Variants in CAMK4 observed in about 807,000 individuals in gnomAD.
The protein encoded by CAMK4 is calcium/calmodulin-dependent protein kinase type IV.
A neutral mutation model predicts 44.9 loss-of-function variants in CAMK4; 22 were observed. The ratio of observed to expected loss-of-function variants is 0.49; its 90% CI spans 0.35 to 0.70. CAMK4 has a LOEUF of 0.70. Among genes scored for constraint, CAMK4 ranks in the 30% least tolerant of loss-of-function variants. The probability of loss-of-function intolerance (pLI) is 0.01; values close to 1 mark genes in which losing one functional copy is unlikely to be tolerated. For synonymous variants in CAMK4, 218 were observed against 215.4 expected, an observed-to-expected ratio of 1.01 and a Z score of -0.11; for missense variants, 498 against 586.8, an observed-to-expected ratio of 0.85 and a Z score of 1.56.
intron 5 of CAMK4, among the ~76,000 whole-genome samples, chr5:111,412,498 C>G (rs1010566326): frequency 5.3e-5 from 8 of 152,158 alleles, no homozygotes; most frequent in African/African-American, 1.7e-4. Context: ...CAAAATCAAA[C>G]CAGCCTCAGT....
At chr5:111,332,113 G>A (rs1277436990) in intron 1 of CAMK4, among the ~76,000 whole-genome samples, 2 of 151,396 alleles carry the variant, frequency 1.3e-5, no homozygotes, top group African/African-American at 4.8e-5. Flanking sequence ...AAGTTTTAGG[G>A]TATATGTGCA....
intron 5 of CAMK4, among the ~76,000 whole-genome samples, chr5:111,426,235 T>A (rs1298007693): frequency 3.9e-5 from 6 of 152,188 alleles, no homozygotes; most frequent in Non-Finnish European, 7.4e-5. Context: ...AACATGTTTG[T>A]GGGCAAATGA....
chr5:111,475,218 G>A (rs1580803069), intron 8 of CAMK4, among the ~76,000 whole-genome samples: 1 of 152,052 alleles, frequency 6.6e-6, no homozygotes, highest in African/African-American at 2.4e-5. Context: ...GGAATTTGGA[G>A]AGATAAAGAT....
At chr5:111,408,385 C>G (rs1752512530) in intron 5 of CAMK4, among the ~76,000 whole-genome samples, 1 of 152,188 alleles carries the variant, frequency 6.6e-6, no homozygotes, top group Admixed American at 6.5e-5. Context: ...TACATGGTGA[C>G]AGGCAAGAGG....
intron 1 of CAMK4, among the ~76,000 whole-genome samples, chr5:111,314,767 T>C (rs960659439): frequency 6.6e-6 from 1 of 152,060 alleles, no homozygotes; most frequent in African/African-American, 2.4e-5. Context: ...GTCTTTATAA[T>C]GACAATCAAT....
At chr5:111,309,358 G>A (rs1157418811) in intron 1 of CAMK4, among the ~76,000 whole-genome samples, 1 of 152,176 alleles carries the variant, frequency 6.6e-6, no homozygotes, top group Admixed American at 6.5e-5. Context: ...CATGATCAAA[G>A]ATGTGCATTT....
intron 2 of CAMK4, among the ~76,000 whole-genome samples, chr5:111,372,683 T>A (rs1360721819): frequency 6.6e-6 from 1 of 152,184 alleles, no homozygotes; most frequent in Non-Finnish European, 1.5e-5. Flanking sequence ...TGTTTGTTAC[T>A]TGAAACTGAA....
At chr5:111,375,923 G>A (rs1187001822) in intron 3 of CAMK4, among the ~76,000 whole-genome samples, 1 of 152,052 alleles carries the variant, frequency 6.6e-6, no homozygotes, top group Admixed American at 6.6e-5. Context: ...CTCATAAGAA[G>A]AGTAAAAGCT....
At chr5:111,345,491 A>T (rs1406385450) in intron 2 of CAMK4, among the ~76,000 whole-genome samples, 1 of 151,976 alleles carries the variant, frequency 6.6e-6, no homozygotes, top group African/African-American at 2.4e-5. Flanking sequence ...TATGAAAATA[A>T]AACGGCATAT....
chr5:111,459,405 A>G (rs1445602611), intron 7 of CAMK4, among the ~76,000 whole-genome samples: 1 of 152,116 alleles, frequency 6.6e-6, no homozygotes, highest in Non-Finnish European at 1.5e-5. Context: ...TTGACTCATC[A>G]CTCAGGATCC....
intron 2 of CAMK4, among the ~76,000 whole-genome samples, chr5:111,366,730 C>T (rs1247534741): frequency 2.6e-5 from 4 of 152,076 alleles, no homozygotes; most frequent in Admixed American, 2.0e-4. Flanking sequence ...TACCTCTTAT[C>T]TACTTCTTTC....
chr5:111,315,122 T>G (rs969791457), intron 1 of CAMK4, among the ~76,000 whole-genome samples: 11 of 152,264 alleles, frequency 7.2e-5, no homozygotes, highest in Admixed American at 3.9e-4. Flanking sequence ...ATTTGAAGTG[T>G]GTGTGCATTT....
At chr5:111,316,362 C>T (rs1192155194) in intron 1 of CAMK4, among the ~76,000 whole-genome samples, 3 of 152,190 alleles carry the variant, frequency 2.0e-5, no homozygotes, top group South Asian at 2.1e-4. Flanking sequence ...CATTTAGTCT[C>T]ACTCCACAGA....
chr5:111,347,655 C>G (rs567408440), intron 2 of CAMK4, among the ~76,000 whole-genome samples: 1 of 152,078 alleles, frequency 6.6e-6, no homozygotes, highest in South Asian at 2.1e-4. Context: ...CATCTTACCT[C>G]TGTGCACATC....
intron 5 of CAMK4, among the ~76,000 whole-genome samples, chr5:111,443,271 TATATATATACACACACACAC>T (rs1472279590): frequency 9.4e-5 from 5 of 52,990 alleles, no homozygotes; most frequent in African/African-American, 3.1e-4. Context: ...TATATATATA[TATATATATACACACACACAC>T]ACACACACAC....
intron 7 of CAMK4, among the ~76,000 whole-genome samples, chr5:111,459,954 C>G (rs1307652380): frequency 1.3e-5 from 2 of 151,930 alleles, no homozygotes; most frequent in Non-Finnish European, 2.9e-5. Context: ...AGAACAGAAC[C>G]AACTGTGCCA....
chr5:111,387,390 T>G (rs1751641876), intron 4 of CAMK4, among the ~76,000 whole-genome samples: 1 of 152,216 alleles, frequency 6.6e-6, no homozygotes, highest in Non-Finnish European at 1.5e-5. Context: ...ATACCCCATT[T>G]TAAGGAATTT....
chr5:111,421,402 C>A (rs1753027615), intron 5 of CAMK4, among the ~76,000 whole-genome samples: 1 of 152,156 alleles, frequency 6.6e-6, no homozygotes, highest in Admixed American at 6.5e-5. Flanking sequence ...TCAAAGGGAG[C>A]AATAAGAGTG....
intron 5 of CAMK4, among the ~76,000 whole-genome samples, chr5:111,442,109 T>G (rs901910905): frequency 1.3e-5 from 2 of 152,116 alleles, no homozygotes; most frequent in African/African-American, 2.4e-5. Flanking sequence ...AAGATAGCAG[T>G]TTTCAAAGTC....
Sources: allele counts gnomAD v4.1 joint callset (sites outside exome capture counted in the v4.1 genomes callset), GRCh38; gene constraint gnomAD v4.1.1; transcripts MANE v1.5; gene names NCBI Gene and HGNC (gene_info 2026-07-23, HGNC 2026-07-21).